Variants in GAS2 observed in about 807,000 individuals in gnomAD.
GAS2 encodes the protein growth arrest specific 2, also known as growth arrest-specific protein 2.
A neutral mutation model predicts 37.5 loss-of-function variants in GAS2; 20 were observed. The observed-to-expected ratio is 0.53, with a 90% confidence interval of 0.37 to 0.77. GAS2 has a LOEUF of 0.77. Among genes scored for constraint, GAS2 ranks in the 30% least tolerant of loss-of-function variants. GAS2 has a pLI of 0.00. For synonymous variants in GAS2, 144 were observed against 132.2 expected (o/e 1.09, Z -0.61); for missense variants, 336 against 373.4 (o/e 0.90, Z 0.82).
At chr11:22,797,182 C>T (rs1015031389) in intron 7 of GAS2, among the ~76,000 whole-genome samples, 4 of 152,036 alleles carry the variant, frequency 2.6e-5, no homozygotes, top group Admixed American at 6.6e-5. Context: ...GACTGACCGG[C>T]AGTTGGCGTT....
In GAS2 at chr11:22,792,605, CA is replaced by C. The variant is rs1301522213; in HGVS notation, c.724-19192del. ...TGTCTAAAAACTGGCTGAATTTCAG[CA>C]GGCAGTTTGTAGTGATAAGTTCCTA... On this transcript the variant is annotated intron_variant, in intron 7 of 7. Coordinates refer to ENST00000454584, the MANE Select transcript of GAS2 (RefSeq NM_001143830.3). Among the ~76,000 whole-genome samples, 4 of 152,272 alleles carry C rather than the reference CA, an allele frequency of 2.6e-5. No individual in the cohort carries two copies. The East Asian group carries it at 7.7e-4, about 29-fold the overall frequency.
chr11:22,684,887 T>A (rs1187443381), intron 2 of GAS2, among the ~76,000 whole-genome samples: 1 of 152,244 alleles, frequency 6.6e-6, no homozygotes, highest in Non-Finnish European at 1.5e-5. Context: ...ATTATTTTAA[T>A]CAGGAAAACC....
intron 7 of GAS2, among the ~76,000 whole-genome samples, chr11:22,764,299 G>A (rs895970184): frequency 2.6e-5 from 4 of 152,154 alleles, no homozygotes; most frequent in African/African-American, 9.7e-5. Flanking sequence ...GGCGGATCAT[G>A]CCTGTAATCC....
At chr11:22,673,519 G>A (rs997396717) in intron 1 of GAS2, among the ~76,000 whole-genome samples, 10 of 152,090 alleles carry the variant, frequency 6.6e-5, no homozygotes, top group African/African-American at 1.7e-4. Flanking sequence ...TATATACAGC[G>A]TAGAATCCTG....
chr11:22,694,502 A>T lies in GAS2; in HGVS notation c.267+8713A>T, dbSNP rs372044955. On this transcript the variant is annotated intron_variant, in intron 3 of 7. Coordinates refer to ENST00000454584, the MANE Select transcript of GAS2 (RefSeq NM_001143830.3). ...TCACCCTTTAGTGAAAAATAGAGCC[A>T]CTTGGGTCCCACTGAGTGACATAGT... 1.3e-4 allele frequency among the ~76,000 whole-genome samples: 20 copies of T among 152,310 alleles called. No homozygotes were observed. The South Asian group carries it at 3.9e-3, about 30-fold the overall frequency.
chr11:22,650,478 A>C (rs965138703), intron 1 of GAS2, among the ~76,000 whole-genome samples: 54 of 151,372 alleles, frequency 3.6e-4, no homozygotes, highest in African/African-American at 1.3e-3. Flanking sequence ...ATCCTTGTTG[A>C]CTTTCTGTCT....
chr11:22,642,364 C>T (rs1016543350), intron 1 of GAS2, among the ~76,000 whole-genome samples: 2 of 152,084 alleles, frequency 1.3e-5, no homozygotes, highest in Admixed American at 6.6e-5. Flanking sequence ...TACATTTTCT[C>T]ATTTACGTGA....
At chr11:22,683,647 A>G (rs558597238) in intron 2 of GAS2, among the ~76,000 whole-genome samples, 6 of 140,736 alleles carry the variant, frequency 4.3e-5, no homozygotes, top group Admixed American at 2.4e-4. Context: ...ATCTTGGTAT[A>G]AAACTTTAAA....
chr11:22,790,311 A>AT (rs1297822180), intron 7 of GAS2, among the ~76,000 whole-genome samples: 3 of 152,190 alleles, frequency 2.0e-5, no homozygotes, highest in Admixed American at 6.5e-5. Context: ...GCATTTGTGT[A>AT]TAACAAACCT....
rs1450620233 is a variant in GAS2 at position 22,720,967 on chromosome 11, T to C, written c.268-5325T>C. Among the ~76,000 whole-genome samples the C allele has an allele frequency of 2.0e-5, 3 of 152,170 alleles. No homozygotes were observed. In the East Asian group the frequency reaches 5.8e-4, roughly 29 times the overall value. ...TGGGAAATAAATCAAATGTGAAATA[T>C]ATTACCTTCAAGGCATTGGTGGGCT... On this transcript the variant is annotated intron_variant, in intron 3 of 7. Transcript: ENST00000454584.
Position 22,770,231 on chromosome 11 carries a change from G to C in GAS2, c.723+14278G>C, listed in dbSNP as rs144933783. Among the ~76,000 whole-genome samples the C allele has an allele frequency of 1.1e-3, 169 of 152,224 alleles. 1 individual carries two copies. Among genetic ancestry groups the C allele is most frequent in the African/African-American group, 3.7e-3 (152 of 41,528 alleles). ...TAAAACCTAGGTGACAGCTTGATAG[G>C]TGCAGCAAAATACCATGGCACACGT... On this transcript the variant is annotated intron_variant, in intron 7 of 7. Coordinates refer to ENST00000454584, the MANE Select transcript of GAS2 (RefSeq NM_001143830.3).
chr11:22,768,730 C>T (rs938641093), intron 7 of GAS2, among the ~76,000 whole-genome samples: 13 of 152,128 alleles, frequency 8.5e-5, no homozygotes, highest in African/African-American at 3.1e-4. Flanking sequence ...CTTTCACTCC[C>T]AACATAGTTC....
At chr11:22,649,753 C>T (rs201778581) in intron 1 of GAS2, among the ~76,000 whole-genome samples, 18 of 151,928 alleles carry the variant, frequency 1.2e-4, no homozygotes, top group South Asian at 2.1e-4. Flanking sequence ...TCTGTGGGAT[C>T]GGTGGTGATA....
intron 7 of GAS2, among the ~76,000 whole-genome samples, chr11:22,780,197 A>T (rs1264815918): frequency 6.6e-6 from 1 of 152,200 alleles, no homozygotes; most frequent in African/African-American, 2.4e-5. Flanking sequence ...TTCACTAGCT[A>T]GGGTTGAGAT....
At chr11:22,683,410 C>T (rs919295539) in intron 2 of GAS2, among the ~76,000 whole-genome samples, 4 of 152,098 alleles carry the variant, frequency 2.6e-5, no homozygotes, top group African/African-American at 9.7e-5. Context: ...GAATTACAGG[C>T]ATGTGCCACA....
intron 6 of GAS2, among the ~76,000 whole-genome samples, chr11:22,753,515 T>C (rs1238935456): frequency 6.6e-6 from 1 of 152,122 alleles, no homozygotes; most frequent in Middle Eastern, 3.2e-3. Flanking sequence ...TGTCATTTTT[T>C]AGTGGAGGAA....
chr11:22,690,050 C>T (rs893277780), intron 3 of GAS2, among the ~76,000 whole-genome samples: 17 of 152,146 alleles, frequency 1.1e-4, no homozygotes, highest in Non-Finnish European at 2.2e-4. Context: ...TTTTTTCTAG[C>T]AGCTTTAATC....
chr11:22,807,123 A>T (rs1046361894), intron 7 of GAS2, among the ~76,000 whole-genome samples: 42 of 152,200 alleles, frequency 2.8e-4, no homozygotes, highest in Non-Finnish European at 2.9e-5. Context: ...AAGAAAAAAG[A>T]AAAAACGACT....
At chr11:22,782,079 T>C (rs1855581366) in intron 7 of GAS2, among the ~76,000 whole-genome samples, 1 of 152,202 alleles carries the variant, frequency 6.6e-6, no homozygotes, top group African/African-American at 2.4e-5. Flanking sequence ...CTTTCAGCAC[T>C]GTGTGTGTGA....
Sources: allele counts gnomAD v4.1 joint callset (sites outside exome capture counted in the v4.1 genomes callset), GRCh38; gene constraint gnomAD v4.1.1; transcripts MANE v1.5; gene names NCBI Gene and HGNC (gene_info 2026-07-23, HGNC 2026-07-21).